ITSN1: variants seen among roughly 807,000 people sequenced by gnomAD.
ITSN1 encodes the protein intersectin 1, also known as intersectin-1.
In ITSN1, 58 loss-of-function variants were observed where a neutral mutation model predicts 239.8. The ratio of observed to expected loss-of-function variants is 0.24; its 90% confidence interval spans 0.20 to 0.30. The LOEUF (loss-of-function observed/expected upper bound fraction) is 0.30, where lower values mean the gene tolerates loss of function less well. Ranked by LOEUF, ITSN1 falls within the 10% of genes least tolerant of loss-of-function variation. The pLI is 1.00. For missense variants in ITSN1, 1,558 were observed against 2,103.3 expected, an observed-to-expected ratio of 0.74 and a Z score of 5.07; for synonymous variants, 780 against 770.8, an observed-to-expected ratio of 1.01 and a Z score of -0.20.
intron 2 of ITSN1, among the ~76,000 whole-genome samples, chr21:33,719,379 T>TGCAGTGAGCCGAGGTC (rs2065351535): frequency 6.6e-6 from 1 of 152,172 alleles, no homozygotes; most frequent in Non-Finnish European, 1.5e-5. Flanking sequence ...AGGCGGAGGT[T>TGCAGTGAGCCGAGGTC]GCAGTGAGCC....
intron 20 of ITSN1, 113 bp downstream of exon 20, chr21:33,802,557 A>G (rs1316807678): frequency 1.8e-6 from 2 of 1,114,060 alleles, no homozygotes; most frequent in Non-Finnish European, 2.7e-6. Context: ...GCGGCAGTAA[A>G]AATGTGTTTG....
chr21:33,784,226 C>T (rs2070439854), intron 16 of ITSN1, among the ~76,000 whole-genome samples: 1 of 151,798 alleles, frequency 6.6e-6, no homozygotes, highest in Non-Finnish European at 1.5e-5. Context: ...GTAATCCCAG[C>T]ACTTTGGGAG....
At chr21:33,868,306 G>A (rs1403364534) in intron 33 of ITSN1, among the ~76,000 whole-genome samples, 1 of 152,126 alleles carries the variant, frequency 6.6e-6, no homozygotes, top group African/African-American at 2.4e-5. Flanking sequence ...CCAGTCTCGC[G>A]CCATGCACTC....
At chr21:33,868,449 C>G (rs866231174) in intron 33 of ITSN1, among the ~76,000 whole-genome samples, 4 of 152,224 alleles carry the variant, frequency 2.6e-5, no homozygotes, top group African/African-American at 9.6e-5. Context: ...GCTGCAGTCC[C>G]GAGCCCTGCC....
chr21:33,747,306 G>T (rs988608071), intron 5 of ITSN1, among the ~76,000 whole-genome samples: 4 of 151,956 alleles, frequency 2.6e-5, no homozygotes, highest in Non-Finnish European at 5.9e-5. Context: ...GGAACAAAAA[G>T]ATTGAAAAAA....
Position 33,751,822 on chromosome 21 carries a change from C to T in ITSN1, c.539C>T (p.Pro180Leu). ...TTTATTTTTACAGCAGCCACATTGCCAAAGAGTTCTTCCTTTAGTAGATCT... is the reference window on the plus strand; with the variant it reads ...TTTATTTTTACAGCAGCCACATTGCTAAAGAGTTCTTCCTTTAGTAGATCT... ...PAFAHPAATL[P>L]KSSSFSRSGP... is the part of the protein sequence containing the mutation. Residue 180 changes from proline to leucine, a missense_variant, in exon 7 of 40, where the codon CCA (proline) becomes CTA (leucine). By Grantham distance (98) the Pro-to-Leu change is moderately conservative. Around this residue, in one of 2 missense-constraint regions of ITSN1, gnomAD observed 982 missense variants for 1,209.9 expected, o/e 0.81. Transcript: ENST00000381318. 6.2e-7 allele frequency: 1 copy of T among 1,609,068 alleles called. No homozygotes were observed. The highest frequency in any genetic ancestry group is 8.5e-7 in the Non-Finnish European group (1 of 1,175,814).
In ITSN1 at chr21:33,895,673, TTG is replaced by T. The variant is rs369137277; in HGVS notation, c.*7380_*7381del. ...TATGTGCGTGTATGCATGTGCATGT[TTG>T]TGTGTGCGTGCATATGTGTATGTGT... On this transcript the variant is annotated 3_prime_UTR_variant, in exon 40 of 40. Transcript: ENST00000381318. 5.4e-5 allele frequency: 8 copies of T among 147,532 alleles called. No homozygotes were observed. The highest frequency in any genetic ancestry group is 3.4e-4 in the Admixed American group (5 of 14,814). The allele number at this position is 147,532 out of a possible 1,614,324, so 9.1% of individuals were successfully genotyped here.
chr21:33,829,063 G>GA (rs1437049812), intron 26 of ITSN1: 1 of 463,084 alleles, frequency 2.2e-6, no homozygotes, highest in African/African-American at 2.0e-5. Context: ...GAGCCATAAA[G>GA]AAGAAGGCTG....
chr21:33,832,526 GC>G (rs2074355015), intron 27 of ITSN1, among the ~76,000 whole-genome samples: 1 of 152,152 alleles, frequency 6.6e-6, no homozygotes, highest in African/African-American at 2.4e-5. Context: ...AGAGCTCCTG[GC>G]GCTGTCACCA....
Position 33,718,802 on chromosome 21 carries a change from G to A in ITSN1, c.-27G>A, listed in dbSNP as rs138192409. On this transcript the variant is annotated 5_prime_UTR_variant, in exon 2 of 40. Coordinates refer to ENST00000381318, the MANE Select transcript of ITSN1 (RefSeq NM_003024.3). ...TGTTGCATTTTCACTTACAGGCGTCGATTAGCAAGGTAAAAGTAACAGAAC... is the reference window on the plus strand; with the variant it reads ...TGTTGCATTTTCACTTACAGGCGTCAATTAGCAAGGTAAAAGTAACAGAAC... The A allele has an allele frequency of 1.5e-4, 238 of 1,608,822 alleles. 1 individual carries two copies. The African/African-American group carries it at 2.2e-3, about 15-fold the overall frequency.
In ITSN1 at chr21:33,765,870, A is replaced by G. The variant is rs147654153; in HGVS notation, c.789-5A>G. On this transcript the variant is annotated splice_region_variant and splice_polypyrimidine_tract_variant and intron_variant, in intron 9 of 39. Transcript: ENST00000381318. ...CCGGATTACAGTTAACTTTTTGTTGAATAGGAATCTTTCTGACATTGATCA... is the reference window on the plus strand; with the variant it reads ...CCGGATTACAGTTAACTTTTTGTTGGATAGGAATCTTTCTGACATTGATCA... 1,674 of 1,613,978 alleles carry G rather than the reference A, an allele frequency of 1.0e-3. 17 individuals are homozygous for G. The African/African-American group carries it at 0.021, about 20-fold the overall frequency.
At chr21:33,711,655 T>G (rs1468722283) in intron 1 of ITSN1, among the ~76,000 whole-genome samples, 2 of 28,758 alleles carry the variant, frequency 7.0e-5, no homozygotes, top group Non-Finnish European at 1.1e-4. Flanking sequence ...CTGTGTGTTG[T>G]GTGTGTGTGT....
intron 32 of ITSN1, among the ~76,000 whole-genome samples, chr21:33,866,423 G>T (rs887037416): frequency 6.6e-6 from 1 of 152,012 alleles, no homozygotes; most frequent in Non-Finnish European, 1.5e-5. Context: ...TGAGTTCATT[G>T]TTGGATGCAC....
At chr21:33,661,319 C>T (rs1030831629) in intron 1 of ITSN1, among the ~76,000 whole-genome samples, 3 of 151,976 alleles carry the variant, frequency 2.0e-5, no homozygotes, top group Admixed American at 6.6e-5. Context: ...TTTGGTGTAG[C>T]ACATAAATGC....
At chr21:33,778,186 T>A (rs2069806271) in intron 14 of ITSN1, among the ~76,000 whole-genome samples, 1 of 152,212 alleles carries the variant, frequency 6.6e-6, no homozygotes, top group Non-Finnish European at 1.5e-5. Context: ...TTTCCCATTA[T>A]TTTATTAAGG....
chr21:33,735,552 A>G (rs1190446970), intron 5 of ITSN1: 2 of 278,670 alleles, frequency 7.2e-6, no homozygotes. Context: ...CGGTTTCCAT[A>G]ATGTCTGTTT....
chr21:33,783,561 G>A (rs1035489647), intron 16 of ITSN1, among the ~76,000 whole-genome samples: 2 of 152,002 alleles, frequency 1.3e-5, no homozygotes, highest in Admixed American at 1.3e-4. Context: ...TGGTATGTCA[G>A]TATTGGAAGT....
At chr21:33,728,364 C>T (rs969411373) in intron 4 of ITSN1, among the ~76,000 whole-genome samples, 1 of 152,166 alleles carries the variant, frequency 6.6e-6, no homozygotes, top group Non-Finnish European at 1.5e-5. Context: ...TCCCGAGTAG[C>T]TGGGACTACA....
intron 26 of ITSN1, among the ~76,000 whole-genome samples, chr21:33,827,555 T>C (rs948328999): frequency 1.6e-4 from 25 of 152,148 alleles, no homozygotes; most frequent in African/African-American, 5.8e-4. Flanking sequence ...TTCATAACAA[T>C]GCATTCCCAG....
Sources: allele counts gnomAD v4.1 joint callset (sites outside exome capture counted in the v4.1 genomes callset), GRCh38; gene constraint gnomAD v4.1.1; regional missense constraint gnomAD v4.1.1; transcripts MANE v1.5; gene names NCBI Gene and HGNC (gene_info 2026-07-23, HGNC 2026-07-21).